The following ST8SIA1 variants were observed in gnomAD, a reference collection of about 807,000 sequenced individuals.
The protein encoded by ST8SIA1 is ST8 alpha-N-acetyl-neuraminide alpha-2,8-sialyltransferase 1, also known as alpha-N-acetylneuraminide alpha-2,8-sialyltransferase.
A neutral mutation model predicts 35.9 loss-of-function variants in ST8SIA1; 16 were observed. That is an observed-to-expected ratio of 0.45 (90% CI 0.30 to 0.68). The LOEUF is 0.68. ST8SIA1 is among the 30% of genes least tolerant of loss of function. The pLI, the probability that ST8SIA1 is intolerant of heterozygous loss-of-function variation, is 0.09. For synonymous variants in ST8SIA1, 170 were observed against 169.6 expected (o/e 1.00, Z -0.02); for missense variants, 383 against 453.6 (o/e 0.84, Z 1.41).
intron 4 of ST8SIA1, among the ~76,000 whole-genome samples, chr12:22,202,576 G>A (rs1865060713): frequency 1.3e-5 from 2 of 152,156 alleles, no homozygotes; most frequent in African/African-American, 4.8e-5. Flanking sequence ...AAATGATGCA[G>A]GGAGTTGCCC....
In ST8SIA1 at chr12:22,211,930, C is replaced by G. The variant is rs538612195; in HGVS notation, c.585-9892G>C. ...TTCGCCAAGTTGGCCAGGCTGATCT[C>G]GAACTCCTGACCACAGGTGATCCAC... On this transcript the variant is annotated intron_variant, in intron 4 of 4. Coordinates refer to ENST00000396037, the MANE Select transcript of ST8SIA1 (RefSeq NM_003034.4). 2.6e-5 allele frequency among the ~76,000 whole-genome samples: 4 copies of G among 152,162 alleles called. No homozygotes were observed. In the East Asian group the frequency reaches 7.7e-4, roughly 29 times the overall value.
At chr12:22,212,783 C>T (rs150763299) in intron 4 of ST8SIA1, among the ~76,000 whole-genome samples, 8 of 152,254 alleles carry the variant, frequency 5.3e-5, no homozygotes, top group African/African-American at 1.7e-4. Flanking sequence ...GGGACTGACA[C>T]CATCTTTGTA....
intron 2 of ST8SIA1, among the ~76,000 whole-genome samples, chr12:22,280,544 G>A (rs1407998542): frequency 6.8e-6 from 1 of 146,176 alleles, no homozygotes; most frequent in Non-Finnish European, 1.5e-5. Flanking sequence ...TTTACACATT[G>A]TCAAGTAATT....
intron 4 of ST8SIA1, among the ~76,000 whole-genome samples, chr12:22,244,912 T>C (rs955147376): frequency 1.3e-5 from 2 of 152,254 alleles, no homozygotes; most frequent in Non-Finnish European, 2.9e-5. Context: ...TTTATATCAC[T>C]CATATAAATA....
At position 22,244,086 on chromosome 12, in the gene ST8SIA1, A is replaced by G. The variant is rs550770884; in HGVS notation, c.584+4920T>C. 3.3e-5 allele frequency among the ~76,000 whole-genome samples: 5 copies of G among 152,260 alleles called. No individual in the cohort carries two copies. The East Asian group carries it at 9.7e-4, about 29-fold the overall frequency. ...TGTTCAAGACACTGAGATCCTTTTTATATAGAACTTACACTCTAGTATACG... is the reference window on the plus strand; with the variant it reads ...TGTTCAAGACACTGAGATCCTTTTTGTATAGAACTTACACTCTAGTATACG... On this transcript the variant is annotated intron_variant, in intron 4 of 4. Coordinates refer to ENST00000396037, the MANE Select transcript of ST8SIA1 (RefSeq NM_003034.4).
chr12:22,330,521 A>G (rs572043265), intron 1 of ST8SIA1, among the ~76,000 whole-genome samples: 2 of 152,234 alleles, frequency 1.3e-5, no homozygotes, highest in Admixed American at 6.5e-5. Context: ...TAAGGTTTTC[A>G]CTCTGCTATG....
At chr12:22,273,205 C>A (rs74068796) in intron 2 of ST8SIA1, among the ~76,000 whole-genome samples, 5,826 of 152,262 alleles carry the variant, frequency 0.038, 398 homozygotes, top group African/African-American at 0.13. Flanking sequence ...GTTAAATCCT[C>A]GGACTGGATT....
chr12:22,297,465 A>G (rs1188803808), intron 1 of ST8SIA1, among the ~76,000 whole-genome samples: 1 of 151,632 alleles, frequency 6.6e-6, no homozygotes, highest in Non-Finnish European at 1.5e-5. Flanking sequence ...TGTGGGTAAG[A>G]TTCAAAATTA....
At chr12:22,226,996 G>C (rs1865366658) in intron 4 of ST8SIA1, among the ~76,000 whole-genome samples, 1 of 152,042 alleles carries the variant, frequency 6.6e-6, no homozygotes, top group Admixed American at 6.5e-5. Context: ...TGCCAGGCTG[G>C]AGTGCAGTGG....
intron 4 of ST8SIA1, 55 bp downstream of exon 4, chr12:22,248,951 G>C (rs889921435): frequency 7.5e-7 from 1 of 1,330,216 alleles, no homozygotes; most frequent in Non-Finnish European, 1.1e-6. Context: ...GAAATGCTAA[G>C]TACTTGAGAA....
chr12:22,260,739 T>C (rs1865780342), intron 2 of ST8SIA1, among the ~76,000 whole-genome samples: 2 of 152,156 alleles, frequency 1.3e-5, no homozygotes, highest in African/African-American at 4.8e-5. Context: ...CATATAAATA[T>C]ATTATATTAA....
intron 1 of ST8SIA1, among the ~76,000 whole-genome samples, chr12:22,327,755 T>C (rs532490767): frequency 1.3e-5 from 2 of 152,244 alleles, no homozygotes; most frequent in Admixed American, 1.3e-4. Context: ...GCCTCCCCTC[T>C]CCTGACCCTC....
chr12:22,290,556 C>T (rs997581195), intron 1 of ST8SIA1, among the ~76,000 whole-genome samples: 6 of 152,142 alleles, frequency 3.9e-5, no homozygotes, highest in African/African-American at 1.4e-4. Flanking sequence ...AAGTGACTTC[C>T]TGTGTATGCA....
intron 1 of ST8SIA1, among the ~76,000 whole-genome samples, chr12:22,320,967 G>GAA (rs757074532): frequency 1.3e-5 from 1 of 77,170 alleles, no homozygotes; most frequent in East Asian, 3.9e-4. Flanking sequence ...GAGAAAGAAA[G>GAA]AAAGAAAGAA....
chr12:22,250,190 G>A (rs553673521), intron 3 of ST8SIA1, among the ~76,000 whole-genome samples: 30 of 152,276 alleles, frequency 2.0e-4, no homozygotes, highest in Middle Eastern at 6.8e-3. Context: ...TGACCACTGC[G>A]AATTCAAATC....
intron 4 of ST8SIA1, 136 bp from the exon 5 acceptor site, chr12:22,202,174 T>G: frequency 1.3e-6 from 1 of 779,708 alleles, no homozygotes; most frequent in Non-Finnish European, 2.0e-6. Flanking sequence ...TTATTTGTAT[T>G]TAAAATCCTC....
At chr12:22,245,820 C>T (rs1304076442) in intron 4 of ST8SIA1, among the ~76,000 whole-genome samples, 2 of 152,194 alleles carry the variant, frequency 1.3e-5, no homozygotes, top group African/African-American at 2.4e-5. Flanking sequence ...AAGTTGATCA[C>T]CAGTGGTTAA....
At chr12:22,329,823 A>G (rs886078836) in intron 1 of ST8SIA1, among the ~76,000 whole-genome samples, 10 of 152,222 alleles carry the variant, frequency 6.6e-5, no homozygotes, top group Non-Finnish European at 1.3e-4. Context: ...CAATGAGTCG[A>G]CAGAATTTTC....
intron 1 of ST8SIA1, among the ~76,000 whole-genome samples, chr12:22,297,860 C>T (rs924685869): frequency 6.6e-6 from 1 of 152,018 alleles, no homozygotes; most frequent in African/African-American, 2.4e-5. Context: ...TGGCTAGAGA[C>T]CCCTAGGTAG....
Sources: gnomAD v4.1 joint callset for allele counts (sites outside exome capture counted in the v4.1 genomes callset) on GRCh38, gnomAD v4.1.1 for gene constraint, MANE v1.5 for transcripts, NCBI Gene and HGNC (gene_info 2026-07-23, HGNC 2026-07-21) for gene names.